Variants in DCDC2 observed in about 807,000 individuals in gnomAD.
The protein encoded by DCDC2 is doublecortin domain-containing protein 2.
In DCDC2, 40 loss-of-function variants were observed where a neutral mutation model predicts 50.2. The observed-to-expected ratio is 0.80, with a 90% CI of 0.62 to 1.04. DCDC2 has a LOEUF of 1.04. Ranked by LOEUF, DCDC2 falls within the 50% of genes least tolerant of loss-of-function variation. DCDC2 has a pLI of 0.00. For missense variants in DCDC2, 570 were observed against 581.9 expected, an observed-to-expected ratio of 0.98 and a Z score of 0.21; for synonymous variants, 234 against 210.6, an observed-to-expected ratio of 1.11 and a Z score of -0.96.
chr6:24,234,165 C>G (rs558661483), intron 7 of DCDC2, among the ~76,000 whole-genome samples: 1 of 151,302 alleles, frequency 6.6e-6, no homozygotes, highest in South Asian at 2.1e-4. Context: ...CTCTTAAAAA[C>G]AAGTAAGCTT....
At chr6:24,313,639 C>T (rs889973168) in intron 2 of DCDC2, among the ~76,000 whole-genome samples, 3 of 152,262 alleles carry the variant, frequency 2.0e-5, no homozygotes, top group South Asian at 2.1e-4. Flanking sequence ...CCCGTGTGGG[C>T]GGGTGCAGCT....
At chr6:24,208,366 T>A (rs1225413128) in intron 7 of DCDC2, among the ~76,000 whole-genome samples, 1 of 129,546 alleles carries the variant, frequency 7.7e-6, no homozygotes, top group Non-Finnish European at 1.7e-5. Flanking sequence ...TGTGCTACTT[T>A]TTTTTTTTTT....
chr6:24,198,918 T>C (rs1227995424), intron 8 of DCDC2, among the ~76,000 whole-genome samples: 1 of 152,228 alleles, frequency 6.6e-6, no homozygotes, highest in Admixed American at 6.5e-5. Flanking sequence ...TGGAGCCCAC[T>C]GTAGCTCCTC....
In DCDC2 at chr6:24,278,211, C is replaced by T. The variant is rs1581627301; in HGVS notation, c.760G>A (p.Gly254Arg). The T allele has an allele frequency of 6.2e-7, 1 of 1,606,012 alleles. No individual in the cohort carries two copies. The highest frequency in any genetic ancestry group is 1.1e-5 in the South Asian group (1 of 88,748). Residue 254 changes from glycine to arginine, a missense_variant and splice_region_variant, in exon 7 of 10, where the codon GGA (glycine) becomes AGA (arginine). By Grantham distance (125) the Gly-to-Arg change is moderately radical (BLOSUM62 -2). Transcript: ENST00000378454. Reference protein sequence around the residue: ...IVGSRKSKGSGNDRHSKSTVG... With the variant: ...IVGSRKSKGSRNDRHSKSTVG... The stretch of plus-strand genomic sequence containing the variant: ...GTTGACTTAGAGTGGCGATCATTTC[C>T]CTAAATGGCAAAGTATTAGACCCTT...
At chr6:24,188,136 C>T (rs1347196299) in intron 8 of DCDC2, among the ~76,000 whole-genome samples, 1 of 152,202 alleles carries the variant, frequency 6.6e-6, no homozygotes, top group Non-Finnish European at 1.5e-5. Context: ...TTGTCAAATG[C>T]AAAGTGTGAG....
At chr6:24,319,579 G>A (rs574532314) in intron 2 of DCDC2, among the ~76,000 whole-genome samples, 15 of 152,168 alleles carry the variant, frequency 9.9e-5, no homozygotes, top group Admixed American at 9.2e-4. Context: ...CAATGTCCAG[G>A]AGAGATTTTC....
At chr6:24,317,605 T>C (rs769540983) in intron 2 of DCDC2, among the ~76,000 whole-genome samples, 9 of 152,014 alleles carry the variant, frequency 5.9e-5, no homozygotes, top group Non-Finnish European at 7.4e-5. Flanking sequence ...TTTCTAATTA[T>C]GACTCCATAT....
At chr6:24,346,888 A>G (rs1217132933) in intron 2 of DCDC2, among the ~76,000 whole-genome samples, 1 of 152,220 alleles carries the variant, frequency 6.6e-6, no homozygotes, top group Non-Finnish European at 1.5e-5. Context: ...AAGAGAATCC[A>G]TAACTCAACC....
chr6:24,194,016 A>T (rs1323186930), intron 8 of DCDC2, among the ~76,000 whole-genome samples: 2 of 152,138 alleles, frequency 1.3e-5, no homozygotes, highest in African/African-American at 4.8e-5. Flanking sequence ...AATCATTTTT[A>T]AAATAATTTT....
chr6:24,249,555 C>T (rs2113797809), intron 7 of DCDC2, among the ~76,000 whole-genome samples: 1 of 152,272 alleles, frequency 6.6e-6, no homozygotes, highest in African/African-American at 2.4e-5. Context: ...CACAAAACGC[C>T]TATATTTAGG....
At chr6:24,366,658 G>A in the DCDC2 span, among the ~76,000 whole-genome samples, 1 of 152,210 alleles carries the variant, frequency 6.6e-6, no homozygotes, top group Non-Finnish European at 1.5e-5. Flanking sequence ...AACAGCTGCT[G>A]TGATGTGTCC....
intron 2 of DCDC2, among the ~76,000 whole-genome samples, chr6:24,352,452 T>C (rs1760391011): frequency 1.3e-5 from 2 of 152,182 alleles, no homozygotes; most frequent in African/African-American, 2.4e-5. Flanking sequence ...TATACCTTTG[T>C]CTACTTTAAG....
intron 1 of DCDC2, 29 bp downstream of exon 1, chr6:24,357,429 T>C (rs1760492881): frequency 1.3e-6 from 2 of 1,569,514 alleles, no homozygotes; most frequent in Non-Finnish European, 1.7e-6. Flanking sequence ...GGCACCTAAA[T>C]GGGTGGGCGG....
chr6:24,181,601 TAAA>T (rs1175874355), intron 8 of DCDC2, among the ~76,000 whole-genome samples: 3 of 152,108 alleles, frequency 2.0e-5, no homozygotes, highest in African/African-American at 7.2e-5. Context: ...TCAAAAGGAA[TAAA>T]ACACTTAGGA....
chr6:24,224,720 C>T (rs761349480), intron 7 of DCDC2, among the ~76,000 whole-genome samples: 2 of 152,142 alleles, frequency 1.3e-5, no homozygotes, highest in Non-Finnish European at 2.9e-5. Context: ...GGAAGCCCAC[C>T]CTGGCCTCCC....
chr6:24,188,539 T>C (rs985436453), intron 8 of DCDC2, among the ~76,000 whole-genome samples: 7 of 152,172 alleles, frequency 4.6e-5, no homozygotes, highest in African/African-American at 1.7e-4. Flanking sequence ...CAGAAAGGTT[T>C]TTTTATATTT....
At chr6:24,194,372 CTACT>C (rs1250299193) in intron 8 of DCDC2, among the ~76,000 whole-genome samples, 2 of 152,098 alleles carry the variant, frequency 1.3e-5, no homozygotes, top group Non-Finnish European at 2.9e-5. Flanking sequence ...TTTAATGAAA[CTACT>C]TAGCATAAAA....
intron 2 of DCDC2, among the ~76,000 whole-genome samples, chr6:24,320,836 A>G (rs1759761094): frequency 6.6e-6 from 1 of 152,136 alleles, no homozygotes; most frequent in Non-Finnish European, 1.5e-5. Flanking sequence ...TCTAAATACC[A>G]TTCTCCAATA....
intron 7 of DCDC2, among the ~76,000 whole-genome samples, chr6:24,250,328 G>A (rs1240794447): frequency 6.6e-6 from 1 of 152,206 alleles, no homozygotes; most frequent in Non-Finnish European, 1.5e-5. Flanking sequence ...ATAAGCAGAA[G>A]GTGGCCTGGG....
Sources: allele counts gnomAD v4.1 joint callset (sites outside exome capture counted in the v4.1 genomes callset), GRCh38; gene constraint gnomAD v4.1.1; transcripts MANE v1.5; gene names NCBI Gene and HGNC (gene_info 2026-07-23, HGNC 2026-07-21).